The following PREX2 variants were observed in gnomAD, a reference collection of about 807,000 sequenced individuals.
PREX2 encodes the protein phosphatidylinositol-3,4,5-trisphosphate dependent Rac exchange factor 2.
In PREX2, 107 loss-of-function variants were observed where a neutral mutation model predicts 203.2. That is an observed-to-expected ratio of 0.53 (90% CI 0.45 to 0.62). The LOEUF (loss-of-function observed/expected upper bound fraction) is 0.62, where lower values mean the gene tolerates loss of function less well. Among genes scored for constraint, PREX2 ranks in the 20% least tolerant of loss-of-function variants. The probability of loss-of-function intolerance (pLI) is 0.00; values close to 1 mark genes in which losing one functional copy is unlikely to be tolerated. For missense variants in PREX2, 1,777 were observed against 1,955.9 expected (o/e 0.91, Z 1.72); for synonymous variants, 672 against 663.6 (o/e 1.01, Z -0.19).
chr8:68,135,431 A>T (rs564746708), intron 32 of PREX2, among the ~76,000 whole-genome samples: 2 of 152,314 alleles, frequency 1.3e-5, no homozygotes, highest in East Asian at 3.9e-4. Context: ...ATTTGAATAG[A>T]TATTTCTCCA....
Position 68,200,632 on chromosome 8 carries a change from G to A in PREX2, c.4604+8107G>A, listed in dbSNP as rs938276285. On this transcript the variant is annotated intron_variant, in intron 37 of 39. Coordinates refer to ENST00000288368, the MANE Select transcript of PREX2 (RefSeq NM_024870.4). ...TCTTTTTTTTTTGCTTGATTAATAT[G>A]TACCCTAATAAATTAGTATCTTGAA... Among the ~76,000 whole-genome samples, 5 of 150,946 alleles carry A rather than the reference G, an allele frequency of 3.3e-5. No homozygotes were observed. The East Asian group carries it at 9.7e-4, about 29-fold the overall frequency.
intron 37 of PREX2, among the ~76,000 whole-genome samples, chr8:68,213,483 CA>C (rs1193065125): frequency 6.6e-6 from 1 of 151,920 alleles, no homozygotes; most frequent in Non-Finnish European, 1.5e-5. Flanking sequence ...AGTAGACAGG[CA>C]AAAAATGTTT....
intron 1 of PREX2, among the ~76,000 whole-genome samples, chr8:67,956,575 C>A (rs1395703910): frequency 6.6e-6 from 1 of 152,200 alleles, no homozygotes; most frequent in Non-Finnish European, 1.5e-5. Flanking sequence ...GCTTTTTGAA[C>A]AAGAAACCTC....
At chr8:68,021,874 T>C (rs931250692) in intron 3 of PREX2, among the ~76,000 whole-genome samples, 162 bp from the exon 4 acceptor site, 1 of 152,182 alleles carries the variant, frequency 6.6e-6, no homozygotes, top group Non-Finnish European at 1.5e-5. Context: ...CTGTTCTTCA[T>C]GGGCCAGGGA....
In PREX2 at chr8:68,077,442, C is replaced by T. The variant is rs1809384500; in HGVS notation, c.1615C>T (p.Leu539Phe). 1.2e-6 allele frequency: 2 copies of T among 1,613,406 alleles called. No homozygotes were observed. Among genetic ancestry groups the T allele is most frequent in the African/African-American group, 1.3e-5 (1 of 74,912 alleles). ...REEAMIFGVG[L>F]CDNGFMHHVL... is the part of the protein sequence containing the mutation. The stretch of plus-strand genomic sequence containing the variant: ...AGAGGCAATGATATTTGGCGTTGGA[C>T]TCTGTGACAATGGATTTATGCACCA... Residue 539 changes from leucine to phenylalanine, a missense_variant, in exon 15 of 40, where the codon CTC (leucine) becomes TTC (phenylalanine). Physicochemically the swap from Leu to Phe is conservative, Grantham distance 22 (BLOSUM62 0). Transcript: ENST00000288368.
intron 1 of PREX2, among the ~76,000 whole-genome samples, chr8:67,991,003 G>GCTCAATACA (rs1193942183): frequency 1.3e-5 from 2 of 152,230 alleles, no homozygotes; most frequent in East Asian, 3.9e-4. Flanking sequence ...AGAGGTCACA[G>GCTCAATACA]CTCAATACAC....
chr8:68,228,017 A>G (rs754202524), intron 39 of PREX2, among the ~76,000 whole-genome samples: 7 of 152,196 alleles, frequency 4.6e-5, no homozygotes, highest in Non-Finnish European at 8.8e-5. Context: ...GCAGCCTAGT[A>G]GAATACAAAG....
At chr8:68,025,690 C>A (rs1807697050) in intron 4 of PREX2, among the ~76,000 whole-genome samples, 1 of 152,002 alleles carries the variant, frequency 6.6e-6, no homozygotes, top group Non-Finnish European at 1.5e-5. Context: ...TCTACAATCT[C>A]CTGGGCTCAA....
intron 13 of PREX2, among the ~76,000 whole-genome samples, chr8:68,071,767 A>G (rs1391128778): frequency 4.6e-5 from 7 of 152,084 alleles, no homozygotes; most frequent in Non-Finnish European, 1.5e-5. Context: ...TAATCAGGCA[A>G]AAAGAATAAC....
intron 33 of PREX2, among the ~76,000 whole-genome samples, chr8:68,141,859 A>G (rs1358272197): frequency 1.1e-4 from 16 of 152,202 alleles, no homozygotes; most frequent in Non-Finnish European, 4.4e-5. Flanking sequence ...AAACTTTTAA[A>G]TATTATATAG....
chr8:68,202,554 T>A (rs1172122543), intron 37 of PREX2, among the ~76,000 whole-genome samples: 1 of 152,088 alleles, frequency 6.6e-6, no homozygotes, highest in African/African-American at 2.4e-5. Flanking sequence ...GATTTTACAG[T>A]ATTACAGCAA....
chr8:67,968,070 T>TG (rs1554557758), intron 1 of PREX2, among the ~76,000 whole-genome samples: 1 of 142,614 alleles, frequency 7.0e-6, no homozygotes, highest in East Asian at 2.0e-4. Context: ...ACTTAAAGTA[T>TG]AAAAAAAAAA....
chr8:68,023,440 A>T (rs974077567), intron 4 of PREX2, among the ~76,000 whole-genome samples: 9 of 152,132 alleles, frequency 5.9e-5, no homozygotes, highest in Admixed American at 2.0e-4. Context: ...TGAAATGTTT[A>T]TTCAAATCTT....
chr8:68,126,566 C>G (rs951225569), intron 30 of PREX2, among the ~76,000 whole-genome samples: 1 of 152,050 alleles, frequency 6.6e-6, no homozygotes, highest in Non-Finnish European at 1.5e-5. Context: ...TGAAGTATTT[C>G]CTGCATTTCT....
At position 68,099,573 on chromosome 8, in the gene PREX2, T is replaced by G. The variant is rs1423592002; in HGVS notation, c.2554-109T>G. The G allele has an allele frequency of 6.6e-6, 7 of 1,063,600 alleles. No homozygotes were observed. In the East Asian group the frequency reaches 1.5e-4, roughly 23 times the overall value. 65.9% of individuals were successfully genotyped at this position (1,063,600 alleles called of 1,614,324 possible). A position where few individuals can be genotyped will look rare whatever the true frequency, so the allele number is the denominator to read the frequency against. On this transcript the variant is annotated intron_variant, in intron 22 of 39. Coordinates refer to ENST00000288368, the MANE Select transcript of PREX2 (RefSeq NM_024870.4). ...CTGTATTGTTAACTTAATGAAAATT[T>G]GATATGGCTACTTTTGAAGTTTTTC...
At position 68,092,868 on chromosome 8, in the gene PREX2, G is replaced by A. The variant is rs147078355; in HGVS notation, c.2251-737G>A. 6.0e-3 allele frequency among the ~76,000 whole-genome samples: 914 copies of A among 152,164 alleles called. 11 individuals are homozygous for A. Among genetic ancestry groups the A allele is most frequent in the African/African-American group, 0.021 (881 of 41,498 alleles). ...GGGGTCTCACTACGTTGCTCAGGTT[G>A]GTCTTGAACTTCTGGGCTCAAGCGA... On this transcript the variant is annotated intron_variant, in intron 20 of 39. Coordinates refer to ENST00000288368, the MANE Select transcript of PREX2 (RefSeq NM_024870.4).
chr8:68,054,053 G>T (rs1808601935), intron 9 of PREX2, among the ~76,000 whole-genome samples: 1 of 152,088 alleles, frequency 6.6e-6, no homozygotes, highest in Admixed American at 6.6e-5. Flanking sequence ...ACACCTCATT[G>T]GTAATGAAAT....
chr8:67,972,416 A>G (rs1805950863), intron 1 of PREX2, among the ~76,000 whole-genome samples: 1 of 152,226 alleles, frequency 6.6e-6, no homozygotes, highest in African/African-American at 2.4e-5. Flanking sequence ...TTCTGTCCCA[A>G]AGCTTTCAGG....
intron 17 of PREX2, among the ~76,000 whole-genome samples, chr8:68,081,537 A>C (rs1000661890): frequency 6.6e-6 from 1 of 152,150 alleles, no homozygotes; most frequent in Non-Finnish European, 1.5e-5. Flanking sequence ...ATAGGGTAGC[A>C]CTGTATTATG....
Sources: gnomAD v4.1 joint callset for allele counts (sites outside exome capture counted in the v4.1 genomes callset) on GRCh38, gnomAD v4.1.1 for gene constraint, MANE v1.5 for transcripts, NCBI Gene and HGNC (gene_info 2026-07-23, HGNC 2026-07-21) for gene names.